ARL5C: variants seen among roughly 807,000 people sequenced by gnomAD.
ARL5C encodes ARF like GTPase 5C.
ARL5C carries 21 observed loss-of-function variants against 20.8 expected under a neutral mutation model. That is an observed-to-expected ratio of 1.01 (90% CI 0.72 to 1.46). The LOEUF is 1.46. Ranked by LOEUF, ARL5C falls within the 40% of genes most tolerant of loss-of-function variation. The pLI is 0.00. For synonymous variants in ARL5C, 71 were observed against 81.6 expected, an observed-to-expected ratio of 0.87 and a Z score of 0.70; for missense variants, 199 against 225.1, an observed-to-expected ratio of 0.88 and a Z score of 0.74.
chr17:39,160,566 A>G, intron 5 of ARL5C, 25 bp downstream of exon 5: 1 of 1,550,482 alleles, frequency 6.4e-7, no homozygotes, highest in Non-Finnish European at 8.7e-7. Flanking sequence ...CAGGCCCTAG[A>G]GATCCAGGTA....
At chr17:39,163,915 C>T (rs1188624900) in intron 2 of ARL5C, among the ~76,000 whole-genome samples, 2 of 151,810 alleles carry the variant, frequency 1.3e-5, no homozygotes, top group African/African-American at 4.9e-5. Context: ...CAGGCATGTG[C>T]CACCACGCCC....
Position 39,162,716 on chromosome 17 carries a change from T to C in ARL5C, c.250A>G (p.Thr84Ala), listed in dbSNP as rs1597668671. 6.4e-7 allele frequency: 1 copy of C among 1,551,588 alleles called. No homozygotes were observed. Among genetic ancestry groups the C allele is most frequent in the Non-Finnish European group, 8.7e-7 (1 of 1,146,914 alleles). ...SFIWNTYYSN[T>A]EFIILVIDST... ...AGCCCTGGTGCCCTCCTCACCTCAG[T>C]GTTGGAGTAGTATGTGTTCCAGATA... Residue 84 changes from threonine (T) to alanine (A), a missense_variant, in exon 3 of 6, where the codon ACT becomes GCT. Thr to Ala is a moderately conservative substitution (Grantham distance 58). Coordinates refer to ENST00000269586, the MANE Select transcript of ARL5C (RefSeq NM_001143968.1).
chr17:39,159,551 C>T (rs1252788899), intron 5 of ARL5C, among the ~76,000 whole-genome samples: 1 of 152,126 alleles, frequency 6.6e-6, no homozygotes, highest in Non-Finnish European at 1.5e-5. Context: ...CCCGCCTTGG[C>T]CTCCCAAAGT....
At chr17:39,160,120 G>C (rs2045426779) in intron 5 of ARL5C, 1 of 156,040 alleles carries the variant, frequency 6.4e-6, no homozygotes, top group Admixed American at 6.4e-5. Context: ...ACCACCTGTG[G>C]TCAGGAGTTC....
intron 2 of ARL5C, 72 bp downstream of exon 2, chr17:39,165,007 T>G (rs2045455514): frequency 2.0e-6 from 3 of 1,478,092 alleles, no homozygotes; most frequent in Non-Finnish European, 1.9e-6. Flanking sequence ...AGAGCTCCAG[T>G]GATTGGTCCC....
chr17:39,166,066 T>C lies in ARL5C; in HGVS notation c.-306A>G. On this transcript the variant is annotated 5_prime_UTR_variant, in exon 1 of 6. Coordinates refer to ENST00000269586, the MANE Select transcript of ARL5C (RefSeq NM_001143968.1). ...AAACTCCTGAGTTCTCCGGGTGGAC[T>C]GCTCCACTACCGCAAATCAGGGGAG... The C allele has an allele frequency of 2.3e-6, 1 of 429,804 alleles. No individual in the cohort carries two copies. The highest frequency in any genetic ancestry group is 4.3e-6 in the Non-Finnish European group (1 of 232,604). The allele number at this position is 429,804 out of a possible 1,614,324, so 26.6% of individuals were successfully genotyped here.
chr17:39,164,907 T>C, intron 2 of ARL5C, 172 bp downstream of exon 2: 1 of 630,826 alleles, frequency 1.6e-6, no homozygotes, highest in South Asian at 1.9e-5. Flanking sequence ...AGGATTTGAA[T>C]GCCAGACCGA....
In ARL5C at chr17:39,165,425, C is replaced by T. The variant is rs1052413865; in HGVS notation, c.47-286G>A. ...CGGTGTTTAGAGAAAGAGCATAACG[C>T]GAAGTCACAATCGCAGGAAACTCGC... On this transcript the variant is annotated intron_variant, in intron 1 of 5. Transcript: ENST00000269586. 3.6e-5 allele frequency: 21 copies of T among 588,902 alleles called. No individual in the cohort carries two copies. In the Admixed American group the frequency reaches 5.1e-4, roughly 14 times the overall value. 36.5% of individuals were successfully genotyped at this position (588,902 alleles called of 1,614,324 possible). A position where few individuals can be genotyped will look rare whatever the true frequency, so the allele number is the denominator to read the frequency against.
chr17:39,160,338 A>G (rs1446303624), intron 5 of ARL5C: 111 of 392,566 alleles, frequency 2.8e-4, no homozygotes, highest in Middle Eastern at 2.2e-3. Context: ...AAAAAAAAAA[A>G]AGAGAGAGAG....
chr17:39,157,071 G>T, intron 5 of ARL5C, 129 bp from the exon 6 acceptor site: 1 of 1,029,746 alleles, frequency 9.7e-7, no homozygotes, highest in Non-Finnish European at 1.4e-6. Context: ...AATTAACAGA[G>T]ATGAACTGGC....
intron 3 of ARL5C, 109 bp downstream of exon 3, chr17:39,162,602 T>G: frequency 7.5e-7 from 1 of 1,341,222 alleles, no homozygotes; most frequent in Non-Finnish European, 1.0e-6. Context: ...GAACCGACCA[T>G]TATAATCTCT....
chr17:39,164,750 CA>C (rs2045454119), intron 2 of ARL5C, among the ~76,000 whole-genome samples: 2 of 152,050 alleles, frequency 1.3e-5, no homozygotes, highest in Middle Eastern at 3.4e-3. Context: ...GCAGAGGGGA[CA>C]GGGGTGAGAA....
chr17:39,159,297 C>CTTTT (rs71141776), intron 5 of ARL5C, among the ~76,000 whole-genome samples: 4 of 111,812 alleles, frequency 3.6e-5, no homozygotes, highest in Non-Finnish European at 7.3e-5. Context: ...TTCTTTCTTT[C>CTTTT]TTTTTTTTTT....
At chr17:39,161,229 TA>T (rs1223702661) in intron 4 of ARL5C, 38 bp downstream of exon 4, 4 of 1,530,492 alleles carry the variant, frequency 2.6e-6, no homozygotes, top group Non-Finnish European at 3.5e-6. Flanking sequence ...GGCACACAGC[TA>T]GTACCACTGG....
At chr17:39,161,006 G>C (rs2045432128) in intron 4 of ARL5C, among the ~76,000 whole-genome samples, 1 of 152,242 alleles carries the variant, frequency 6.6e-6, no homozygotes. Context: ...CTGAGGATTA[G>C]AGAGGTGAAG....
At chr17:39,156,995 C>T (rs538454318) in intron 5 of ARL5C, 53 bp from the exon 6 acceptor site, 1 of 1,544,924 alleles carries the variant, frequency 6.5e-7, no homozygotes, top group African/African-American at 1.4e-5. Context: ...GAATGATGGC[C>T]TTCAAGTCTC....
intron 4 of ARL5C, 133 bp from the exon 5 acceptor site, chr17:39,160,875 T>C (rs1597668095): frequency 4.7e-6 from 5 of 1,055,884 alleles, no homozygotes; most frequent in East Asian, 2.6e-5. Flanking sequence ...GGGGCAGAGA[T>C]GGGGGCCCTG....
intron 5 of ARL5C, among the ~76,000 whole-genome samples, chr17:39,158,273 C>T (rs1042788548): frequency 4.6e-5 from 7 of 152,126 alleles, no homozygotes; most frequent in East Asian, 1.9e-4. Flanking sequence ...CTGCTAGAAA[C>T]GTGTGGTCCC....
Position 39,162,377 on chromosome 17 carries a change from T to C in ARL5C, c.255+334A>G, listed in dbSNP as rs141265675. Among the ~76,000 whole-genome samples the C allele has an allele frequency of 5.7e-3, 871 of 152,276 alleles. 20 individuals are homozygous for C. Among genetic ancestry groups the C allele is most frequent in the African/African-American group, 0.019 (806 of 41,546 alleles). ...TTGCAATGGCGTGATCTCGGCTCAC[T>C]GCAACCTCTGCCTCCCAGGTTCAAG... is the stretch of plus-strand genomic sequence containing the variant. On this transcript the variant is annotated intron_variant, in intron 3 of 5. Coordinates refer to ENST00000269586, the MANE Select transcript of ARL5C (RefSeq NM_001143968.1).
Sources: gnomAD v4.1 joint callset for allele counts (sites outside exome capture counted in the v4.1 genomes callset) on GRCh38, gnomAD v4.1.1 for gene constraint, MANE v1.5 for transcripts, NCBI Gene and HGNC (gene_info 2026-07-23, HGNC 2026-07-21) for gene names.